The following CSMD3 variants were observed in gnomAD, a reference collection of about 807,000 sequenced individuals.
The protein encoded by CSMD3 is CUB and Sushi multiple domains 3.
In CSMD3, 177 loss-of-function variants were observed where a neutral mutation model predicts 435.2. The observed-to-expected ratio is 0.41, with a 90% CI of 0.36 to 0.46. The LOEUF is 0.46. Among genes scored for constraint, CSMD3 ranks in the 20% least tolerant of loss-of-function variants. CSMD3 has a pLI of 0.34. For missense variants in CSMD3, 4,265 were observed against 4,504.6 expected (o/e 0.95, Z 1.52); for synonymous variants, 1,656 against 1,520.5 (o/e 1.09, Z -2.07).
chr8:112,574,099 C>T (rs1192413867), intron 23 of CSMD3, among the ~76,000 whole-genome samples: 1 of 151,890 alleles, frequency 6.6e-6, no homozygotes, highest in African/African-American at 2.4e-5. Flanking sequence ...TGTAACTTTT[C>T]CATGCTCTTT....
chr8:112,537,075 C>T (rs1260272939), intron 27 of CSMD3, among the ~76,000 whole-genome samples: 7 of 151,634 alleles, frequency 4.6e-5, no homozygotes, highest in African/African-American at 1.5e-4. Context: ...TGCTAAATGA[C>T]GAGATAATGG....
Position 112,292,786 on chromosome 8 carries a change from A to T in CSMD3, c.8615-76T>A. 4 of 1,244,124 alleles carry T rather than the reference A, an allele frequency of 3.2e-6. No individual in the cohort carries two copies. The South Asian group carries it at 4.9e-5, about 15-fold the overall frequency. The allele number at this position is 1,244,124 out of a possible 1,614,324, so 77.1% of individuals were successfully genotyped here. On this transcript the variant is annotated intron_variant, in intron 54 of 70. Transcript: ENST00000297405. ...TTAGTTATCAGTTATTGCATTATTG[A>T]TTATACTTAATCATTTCAAACAAAG...
intron 7 of CSMD3, among the ~76,000 whole-genome samples, chr8:112,973,406 A>G (rs2130920340): frequency 6.6e-6 from 1 of 152,010 alleles, no homozygotes; most frequent in South Asian, 2.1e-4. Flanking sequence ...TTCATTTTAC[A>G]AAATCTATCT....
chr8:112,248,053 C>A (rs552383095), intron 63 of CSMD3, among the ~76,000 whole-genome samples: 52 of 152,086 alleles, frequency 3.4e-4, no homozygotes, highest in Non-Finnish European at 6.6e-4. Context: ...AACAAGAAAA[C>A]AAATCACCAG....
At position 112,387,041 on chromosome 8, in the gene CSMD3, CATAA is replaced by C. The variant is rs759896863; in HGVS notation, c.5935-3382_5935-3379del. 2.4e-3 allele frequency among the ~76,000 whole-genome samples: 364 copies of C among 152,248 alleles called. 1 individual carries two copies. The highest frequency in any genetic ancestry group is 4.0e-3 in the Non-Finnish European group (274 of 68,008). Reference sequence around the variant, plus strand: ...ACATATTTTCCCCCATGGCTTATTACATAAATATTTCCCTTTTCTTGATGGCTAT... The same window carrying C: ...ACATATTTTCCCCCATGGCTTATTACATATTTCCCTTTTCTTGATGGCTAT... On this transcript the variant is annotated intron_variant, in intron 36 of 70. Transcript: ENST00000297405.
intron 1 of CSMD3, among the ~76,000 whole-genome samples, chr8:113,315,843 C>G (rs1412919317): frequency 1.3e-5 from 2 of 151,568 alleles, no homozygotes; most frequent in African/African-American, 4.8e-5. Context: ...CTCAACCTCC[C>G]AAGTAGCTGG....
chr8:112,699,786 A>C (rs1296514610), intron 13 of CSMD3, among the ~76,000 whole-genome samples: 1 of 152,210 alleles, frequency 6.6e-6, no homozygotes, highest in Non-Finnish European at 1.5e-5. Flanking sequence ...GTATGTACCC[A>C]AATTGAGGGA....
At chr8:112,814,955 T>C (rs2132406149) in intron 12 of CSMD3, among the ~76,000 whole-genome samples, 1 of 135,560 alleles carries the variant, frequency 7.4e-6, no homozygotes, top group South Asian at 2.5e-4. Flanking sequence ...TTTTGTATTA[T>C]ACAAATATGC....
At chr8:113,351,295 G>T (rs1425644026) in intron 1 of CSMD3, among the ~76,000 whole-genome samples, 1 of 152,106 alleles carries the variant, frequency 6.6e-6, no homozygotes, top group East Asian at 1.9e-4. Context: ...AAGTTGTAAA[G>T]ATAGTTCCTA....
intron 3 of CSMD3, among the ~76,000 whole-genome samples, chr8:113,195,839 A>ACACACC (rs1379983705): frequency 1.4e-5 from 2 of 144,542 alleles, no homozygotes; most frequent in African/African-American, 5.1e-5. Context: ...ACACACACAC[A>ACACACC]CCCCCACACA....
At chr8:112,831,715 T>C (rs2079881323) in intron 11 of CSMD3, among the ~76,000 whole-genome samples, 1 of 152,186 alleles carries the variant, frequency 6.6e-6, no homozygotes. Flanking sequence ...TTTGCAAGAA[T>C]TCTTTATATT....
At chr8:112,273,179 A>T (rs1366056072) in intron 59 of CSMD3, among the ~76,000 whole-genome samples, 1 of 152,216 alleles carries the variant, frequency 6.6e-6, no homozygotes, top group Admixed American at 6.5e-5. Context: ...CAATCACAAA[A>T]ATAGGAATGT....
chr8:113,021,184 C>T (rs1361319157), intron 5 of CSMD3, among the ~76,000 whole-genome samples: 1 of 151,976 alleles, frequency 6.6e-6, no homozygotes, highest in Admixed American at 6.6e-5. Context: ...GTTGAGCTGA[C>T]TGACTTTTTT....
At chr8:112,523,628 G>C (rs1264156627) in intron 27 of CSMD3, among the ~76,000 whole-genome samples, 1 of 151,932 alleles carries the variant, frequency 6.6e-6, no homozygotes, top group East Asian at 1.9e-4. Flanking sequence ...CTTAACCTGT[G>C]AGAAAAATCT....
rs73346020 is a variant in CSMD3, at chr8:112,897,055, A to G, written c.1633+24572T>C. 2.9e-3 allele frequency among the ~76,000 whole-genome samples: 446 copies of G among 151,456 alleles called. 1 individual carries two copies. Among genetic ancestry groups the G allele is most frequent in the African/African-American group, 9.9e-3 (412 of 41,428 alleles). On this transcript the variant is annotated intron_variant, in intron 10 of 70. Transcript: ENST00000297405. Reference sequence around the variant, plus strand: ...GAAAGTTTTTCTCTCCTTTCTTTGCATACCTTTTAGTCATCTTTGAACTGT... The same window carrying G: ...GAAAGTTTTTCTCTCCTTTCTTTGCGTACCTTTTAGTCATCTTTGAACTGT...
intron 9 of CSMD3, among the ~76,000 whole-genome samples, chr8:112,923,726 T>C (rs974135570): frequency 6.6e-6 from 1 of 152,180 alleles, no homozygotes; most frequent in African/African-American, 2.4e-5. Context: ...AAGTCTCTTA[T>C]CTATTTTGTT....
At chr8:112,385,461 A>G (rs1829853302) in intron 36 of CSMD3, among the ~76,000 whole-genome samples, 1 of 152,232 alleles carries the variant, frequency 6.6e-6, no homozygotes, top group Non-Finnish European at 1.5e-5. Context: ...TGATATCTTC[A>G]GTTTTCCAAT....
chr8:112,342,049 T>C (rs1370295042), intron 41 of CSMD3, among the ~76,000 whole-genome samples: 1 of 152,146 alleles, frequency 6.6e-6, no homozygotes, highest in Non-Finnish European at 1.5e-5. Context: ...ATTTGTGTTA[T>C]GGAAAAGGTC....
At chr8:113,334,989 G>A (rs924367861) in intron 1 of CSMD3, among the ~76,000 whole-genome samples, 58 of 152,184 alleles carry the variant, frequency 3.8e-4, no homozygotes, top group African/African-American at 1.3e-3. Context: ...CAATGTTGGA[G>A]GTGGGGCCTG....
Sources: gnomAD v4.1 joint callset for allele counts (sites outside exome capture counted in the v4.1 genomes callset) on GRCh38, gnomAD v4.1.1 for gene constraint, MANE v1.5 for transcripts, NCBI Gene and HGNC (gene_info 2026-07-23, HGNC 2026-07-21) for gene names.